The following CDH7 variants were observed in gnomAD, a reference collection of about 807,000 sequenced individuals.
CDH7 encodes cadherin-7.
In CDH7, 25 loss-of-function variants were observed where a neutral mutation model predicts 71.8. That is an observed-to-expected ratio of 0.35 (90% CI 0.25 to 0.49). The LOEUF (loss-of-function observed/expected upper bound fraction) is 0.49, where lower values mean the gene tolerates loss of function less well. Among genes scored for constraint, CDH7 ranks in the 20% least tolerant of loss-of-function variants. The pLI, the probability that CDH7 is intolerant of heterozygous loss-of-function variation, is 0.99. For synonymous variants in CDH7, 381 were observed against 363.8 expected, an observed-to-expected ratio of 1.05 and a Z score of -0.54; for missense variants, 862 against 974.6, an observed-to-expected ratio of 0.88 and a Z score of 1.54.
At chr18:65,823,215 C>T (rs1034306877) in intron 5 of CDH7, among the ~76,000 whole-genome samples, 1 of 151,844 alleles carries the variant, frequency 6.6e-6, no homozygotes, top group South Asian at 2.1e-4. Context: ...TATTATTATA[C>T]AAGAAATGGT....
At chr18:65,769,237 C>G (rs986488231) in intron 2 of CDH7, among the ~76,000 whole-genome samples, 2 of 152,092 alleles carry the variant, frequency 1.3e-5, no homozygotes, top group Non-Finnish European at 1.5e-5. Context: ...AGCAAATTAT[C>G]TTCTTAGAAA....
At chr18:65,791,254 A>G (rs58865764) in intron 2 of CDH7, among the ~76,000 whole-genome samples, 4 of 152,212 alleles carry the variant, frequency 2.6e-5, no homozygotes, top group South Asian at 2.1e-4. Context: ...GTATGTTACA[A>G]TGTTACACAT....
At chr18:65,865,825 G>C (rs1361430353) in intron 11 of CDH7, 1 of 152,120 alleles carries the variant, frequency 6.6e-6, no homozygotes, top group Non-Finnish European at 1.5e-5. Flanking sequence ...TTGATTTCTA[G>C]TACACAAATA....
intron 7 of CDH7, among the ~76,000 whole-genome samples, chr18:65,853,801 T>C (rs1379935460): frequency 2.6e-5 from 4 of 151,060 alleles, no homozygotes; most frequent in South Asian, 2.1e-4. Context: ...GTTTATGTAA[T>C]GTATTTCCTG....
intron 5 of CDH7, among the ~76,000 whole-genome samples, chr18:65,822,580 T>C (rs981931931): frequency 6.6e-6 from 1 of 152,060 alleles, no homozygotes; most frequent in Non-Finnish European, 1.5e-5. Context: ...TTATATTTTG[T>C]AAATTATAAA....
intron 4 of CDH7, among the ~76,000 whole-genome samples, chr18:65,817,513 T>G (rs12051910): frequency 6.6e-6 from 1 of 152,098 alleles, no homozygotes; most frequent in African/African-American, 2.4e-5. Context: ...CTCTCTCATA[T>G]CTACACTAGA....
At chr18:65,820,340 C>T (rs764864838) in intron 4 of CDH7, among the ~76,000 whole-genome samples, 4 of 151,422 alleles carry the variant, frequency 2.6e-5, no homozygotes, top group African/African-American at 7.3e-5. Flanking sequence ...GAAAGTCTCA[C>T]GGAGTTATAG....
intron 2 of CDH7, among the ~76,000 whole-genome samples, chr18:65,798,572 C>T (rs11874000): frequency 0.044 from 6,768 of 152,234 alleles, 491 homozygotes; most frequent in African/African-American, 0.15. Flanking sequence ...TTGGAATAAA[C>T]ACTTGTGAGG....
intron 2 of CDH7, among the ~76,000 whole-genome samples, chr18:65,778,804 T>C (rs1910064112): frequency 6.6e-6 from 1 of 151,774 alleles, no homozygotes; most frequent in South Asian, 2.1e-4. Context: ...TTTACAGTAA[T>C]GTTCATAGCA....
chr18:65,812,263 T>C (rs1344636341), intron 3 of CDH7, among the ~76,000 whole-genome samples: 1 of 151,902 alleles, frequency 6.6e-6, no homozygotes, highest in Non-Finnish European at 1.5e-5. Context: ...CTGGCCCATA[T>C]CACAGTGCTT....
intron 11 of CDH7, among the ~76,000 whole-genome samples, chr18:65,872,137 TTGAG>T (rs1394445384): frequency 2.6e-5 from 4 of 152,286 alleles, no homozygotes; most frequent in East Asian, 3.9e-4. Flanking sequence ...TTGTTTACTA[TTGAG>T]TAAGTTCAAG....
At chr18:65,792,985 C>T (rs1180468071) in intron 2 of CDH7, among the ~76,000 whole-genome samples, 1 of 152,132 alleles carries the variant, frequency 6.6e-6, no homozygotes, top group Non-Finnish European at 1.5e-5. Flanking sequence ...TGATGCTGTA[C>T]TCCGTGGAGC....
chr18:65,889,069 C>T lies in CDH7; in HGVS notation c.*8175C>T, dbSNP rs777660653. 6.6e-6 allele frequency: 1 copy of T among 151,908 alleles called. No individual in the cohort carries two copies. Among genetic ancestry groups the T allele is most frequent in the African/African-American group, 2.4e-5 (1 of 41,362 alleles). The allele number at this position is 151,908 out of a possible 1,614,324, so 9.4% of individuals were successfully genotyped here. ...AATATTTATATTGTCATTACGATGG[C>T]ACTTCACCAGTATGTCCTAATCTAT... On this transcript the variant is annotated 3_prime_UTR_variant, in exon 12 of 12. Transcript: ENST00000397968.
At chr18:65,787,095 T>C (rs1031359038) in intron 2 of CDH7, among the ~76,000 whole-genome samples, 4 of 152,200 alleles carry the variant, frequency 2.6e-5, no homozygotes, top group Admixed American at 6.5e-5. Context: ...TCATTATCAT[T>C]AGCAGCATTT....
At chr18:65,829,530 C>T (rs1310554397) in intron 6 of CDH7, among the ~76,000 whole-genome samples, 2 of 150,872 alleles carry the variant, frequency 1.3e-5, no homozygotes, top group Admixed American at 6.6e-5. Flanking sequence ...TTTCACTGTT[C>T]CTCAGTTTCA....
chr18:65,830,396 G>C (rs769806766), intron 6 of CDH7, among the ~76,000 whole-genome samples: 1 of 152,304 alleles, frequency 6.6e-6, no homozygotes, highest in South Asian at 2.1e-4. Flanking sequence ...ATTCATGGAA[G>C]TGCCTGTGAT....
chr18:65,805,478 A>G (rs1376059302), intron 2 of CDH7, among the ~76,000 whole-genome samples: 2 of 152,194 alleles, frequency 1.3e-5, no homozygotes, highest in Admixed American at 6.5e-5. Context: ...AGACTGTGGG[A>G]AGCAATTAAA....
At chr18:65,877,743 T>C (rs986470768) in intron 11 of CDH7, among the ~76,000 whole-genome samples, 2 of 152,206 alleles carry the variant, frequency 1.3e-5, no homozygotes, top group African/African-American at 2.4e-5. Flanking sequence ...TCCTACTGGG[T>C]TCTACTTTCT....
In CDH7 at chr18:65,762,709, A is replaced by G; in HGVS notation, c.-134A>G. ...CAGTGGTGACCTCTTCCAATCCAAC[A>G]CTCTACAGATTATTATCTCTGGACT... On this transcript the variant is annotated 5_prime_UTR_variant, in exon 2 of 12. Coordinates refer to ENST00000397968, the MANE Select transcript of CDH7 (RefSeq NM_004361.5). 3 of 670,340 alleles carry G rather than the reference A, an allele frequency of 4.5e-6. No individual in the cohort carries two copies. The South Asian group carries it at 5.9e-5, about 13-fold the overall frequency. The allele number at this position is 670,340 out of a possible 1,614,324, so 41.5% of individuals were successfully genotyped here.
Sources: allele counts gnomAD v4.1 joint callset (sites outside exome capture counted in the v4.1 genomes callset), GRCh38; gene constraint gnomAD v4.1.1; transcripts MANE v1.5; gene names NCBI Gene and HGNC (gene_info 2026-07-23, HGNC 2026-07-21).